The following RNF144B variants were observed in gnomAD, a reference collection of about 807,000 sequenced individuals.
The protein encoded by RNF144B is ring finger protein 144B, also known as E3 ubiquitin-protein ligase RNF144B.
In RNF144B, 25 loss-of-function variants were observed where a neutral mutation model predicts 40.2. The observed-to-expected ratio is 0.62, with a 90% CI of 0.45 to 0.87. The LOEUF (loss-of-function observed/expected upper bound fraction) is 0.87. RNF144B is among the 40% of genes least tolerant of loss of function. RNF144B has a pLI of 0.00. For missense variants in RNF144B, 365 were observed against 373.7 expected, an observed-to-expected ratio of 0.98 and a Z score of 0.19; for synonymous variants, 145 against 136.3, an observed-to-expected ratio of 1.06 and a Z score of -0.44.
In RNF144B at chr6:18,446,268, A is replaced by G. The variant is rs544495784; in HGVS notation, c.331+6524A>G. Among the ~76,000 whole-genome samples the G allele has an allele frequency of 2.0e-5, 3 of 149,450 alleles. No individual in the cohort carries two copies. The highest frequency in any genetic ancestry group is 4.5e-5 in the Non-Finnish European group (3 of 66,522). On this transcript the variant is annotated intron_variant, in intron 4 of 7. Transcript: ENST00000259939. The surrounding 1 kb of genome is among the most constrained non-coding windows in gnomAD (Gnocchi z 4.7). ...CTTAATGGGATACTGGAATTATAAT[A>G]CATTTCCTTAAAAAACCCAGCTCTT...
rs1448014149 is a variant in RNF144B at position 18,456,821 on chromosome 6, G to A, written c.332-334G>A. 6.6e-6 allele frequency among the ~76,000 whole-genome samples: 1 copy of A among 152,178 alleles called. No individual in the cohort carries two copies. Among genetic ancestry groups the A allele is most frequent in the African/African-American group, 2.4e-5 (1 of 41,436 alleles). ...CATGCCTGTAAAATCCCAGCACTTT[G>A]GGAGGCCAAGGTAGGCAGATCACCT... On this transcript the variant is annotated intron_variant, in intron 4 of 7. Coordinates refer to ENST00000259939, the MANE Select transcript of RNF144B (RefSeq NM_182757.4). This position sits in a 1 kb window ranked among gnomAD's most constrained non-coding sequence, Gnocchi z 4.7.
rs528319731 is a variant in RNF144B at position 18,467,947 on chromosome 6, A to G, written c.*2880A>G. The G allele has an allele frequency of 6.6e-6, 1 of 152,152 alleles. No homozygotes were observed. Among genetic ancestry groups the G allele is most frequent in the Non-Finnish European group, 1.5e-5 (1 of 68,022 alleles). The allele number at this position is 152,152 out of a possible 1,614,324, so 9.4% of individuals were successfully genotyped here. A position where few individuals can be genotyped will look rare whatever the true frequency, so the allele number is the denominator to read the frequency against. ...TGTGTCACTGTGCCTGACAGCTGAC[A>G]GTTTTAACTGACAACTTTGATAACA... is the stretch of plus-strand genomic sequence containing the variant. On this transcript the variant is annotated 3_prime_UTR_variant, in exon 8 of 8. Coordinates refer to ENST00000259939, the MANE Select transcript of RNF144B (RefSeq NM_182757.4).
rs1794760302 is a variant in RNF144B at position 18,399,592 on chromosome 6, G to A, written c.58G>A (p.Gly20Arg). The A allele has an allele frequency of 1.2e-6, 2 of 1,614,126 alleles. No homozygotes were observed. The highest frequency in any genetic ancestry group is 4.5e-5 in the East Asian group (2 of 44,866). Residue 20 changes from glycine (G) to arginine (R), a missense_variant, in exon 2 of 8, where the codon GGA becomes AGA. Gly to Arg is a moderately radical substitution (Grantham distance 125). Coordinates refer to ENST00000259939, the MANE Select transcript of RNF144B (RefSeq NM_182757.4). ...CATGACTGCTGAAAATCCCACTCCT[G>A]GAGACCTGGCTCCGGCCCCCCTCAT... is the stretch of plus-strand genomic sequence containing the variant. ...LAMTAENPTPGDLAPAPLITC... is the reference protein window; with the variant it reads ...LAMTAENPTPRDLAPAPLITC...
chr6:18,461,817 C>T (rs1233745570), intron 6 of RNF144B, among the ~76,000 whole-genome samples: 2 of 144,518 alleles, frequency 1.4e-5, no homozygotes, highest in Non-Finnish European at 3.1e-5. Flanking sequence ...AGTTTGAGAT[C>T]ATGGGGCCAG....
intron 2 of RNF144B, among the ~76,000 whole-genome samples, chr6:18,404,558 G>T (rs1369827594): frequency 6.6e-6 from 1 of 152,170 alleles, no homozygotes; most frequent in African/African-American, 2.4e-5. Context: ...TTATAAAAAG[G>T]TGGTTATATA....
At chr6:18,411,480 TATATATATATA>T (rs1562044290) in intron 2 of RNF144B, among the ~76,000 whole-genome samples, 380 of 35,946 alleles carry the variant, frequency 0.011, 8 homozygotes, top group Non-Finnish European at 0.016. Flanking sequence ...TATATATATA[TATATATATATA>T]TATATATTTT....
rs1285538642 is a variant in RNF144B, at chr6:18,398,339, T to C, written c.-36-1160T>C. Among the ~76,000 whole-genome samples, 1 of 152,152 alleles carries C rather than the reference T, an allele frequency of 6.6e-6. No individual in the cohort carries two copies. The highest frequency in any genetic ancestry group is 6.5e-5 in the Admixed American group (1 of 15,268). On this transcript the variant is annotated intron_variant, in intron 1 of 7. Coordinates refer to ENST00000259939, the MANE Select transcript of RNF144B (RefSeq NM_182757.4). This position sits in a 1 kb window ranked among gnomAD's most constrained non-coding sequence, Gnocchi z 5.0. The stretch of plus-strand genomic sequence containing the variant: ...AATTTTATTTCTTTTTATTCCACTG[T>C]ATATATAGACCACATTTTGTTTGTT...
intron 3 of RNF144B, among the ~76,000 whole-genome samples, chr6:18,431,335 G>A (rs1473341843): frequency 1.3e-5 from 2 of 152,210 alleles, no homozygotes; most frequent in Non-Finnish European, 2.9e-5. Flanking sequence ...ATCATTTTGA[G>A]TTGAAAATGG....
chr6:18,420,206 A>G (rs1030160826), intron 2 of RNF144B, among the ~76,000 whole-genome samples: 1 of 151,892 alleles, frequency 6.6e-6, no homozygotes, highest in Non-Finnish European at 1.5e-5. Context: ...CTAGTCTACC[A>G]TCTCTAATCT....
rs1759359342 is a variant in RNF144B at position 18,457,594 on chromosome 6, G to C, written c.536+235G>C. 6.6e-6 allele frequency among the ~76,000 whole-genome samples: 1 copy of C among 152,120 alleles called. No homozygotes were observed. The highest frequency in any genetic ancestry group is 6.6e-5 in the Admixed American group (1 of 15,266). On this transcript the variant is annotated intron_variant, in intron 5 of 7. Transcript: ENST00000259939. This position sits in a 1 kb window ranked among gnomAD's most constrained non-coding sequence, Gnocchi z 5.1. ...TGGAATTAAAGTTTGTATGAGTTTT[G>C]CTTTCTCTTTAGGTAGTGAGGCACC...
At chr6:18,393,274 G>C (rs184650539) in intron 1 of RNF144B, among the ~76,000 whole-genome samples, 2 of 152,136 alleles carry the variant, frequency 1.3e-5, no homozygotes, top group Admixed American at 1.3e-4. Context: ...AAGAATGTAC[G>C]CTGGTTCATC....
rs989913425 is a variant in RNF144B at position 18,464,770 on chromosome 6, G to A, written c.772-157G>A. ...AAACCAACTAACTTCTAAAGGCCTC[G>A]TCTCCAAATACCGTCACATCGGGGA... is the stretch of plus-strand genomic sequence containing the variant. On this transcript the variant is annotated intron_variant, in intron 7 of 7. Transcript: ENST00000259939. The surrounding 1 kb of genome is among the most constrained non-coding windows in gnomAD (Gnocchi z 6.1). Among the ~76,000 whole-genome samples, 4 of 152,134 alleles carry A rather than the reference G, an allele frequency of 2.6e-5. No homozygotes were observed. Among genetic ancestry groups the A allele is most frequent in the Admixed American group, 6.5e-5 (1 of 15,280 alleles).
intron 2 of RNF144B, among the ~76,000 whole-genome samples, chr6:18,415,096 A>G (rs1562045437): frequency 6.6e-6 from 1 of 152,154 alleles, no homozygotes; most frequent in South Asian, 2.1e-4. Flanking sequence ...ATGTAAATCT[A>G]TATAAATGGG....
At position 18,448,691 on chromosome 6, in the gene RNF144B, C is replaced by T. The variant is rs1326440465; in HGVS notation, c.332-8464C>T. Among the ~76,000 whole-genome samples, 1 of 112,126 alleles carries T rather than the reference C, an allele frequency of 8.9e-6. No individual in the cohort carries two copies. Among genetic ancestry groups the T allele is most frequent in the Non-Finnish European group, 2.1e-5 (1 of 47,330 alleles). 73.6% of individuals were successfully genotyped at this position (112,126 alleles called of 152,430 possible). On this transcript the variant is annotated intron_variant, in intron 4 of 7. Coordinates refer to ENST00000259939, the MANE Select transcript of RNF144B (RefSeq NM_182757.4). This position sits in a 1 kb window ranked among gnomAD's most constrained non-coding sequence, Gnocchi z 4.0. ...ATTTTATTTTGAAAGCCAGCATGCA[C>T]ACACACACACACACACACACACACA...
intron 3 of RNF144B, among the ~76,000 whole-genome samples, chr6:18,430,836 C>T (rs773800950): frequency 1.9e-4 from 29 of 152,096 alleles, no homozygotes; most frequent in Non-Finnish European, 5.9e-5. Context: ...TCTCCTTATC[C>T]TTTCCCCACT....
At position 18,450,150 on chromosome 6, in the gene RNF144B, T is replaced by G. The variant is rs1441958144; in HGVS notation, c.332-7005T>G. On this transcript the variant is annotated intron_variant, in intron 4 of 7. Coordinates refer to ENST00000259939, the MANE Select transcript of RNF144B (RefSeq NM_182757.4). This position sits in a 1 kb window ranked among gnomAD's most constrained non-coding sequence, Gnocchi z 4.7. The stretch of plus-strand genomic sequence containing the variant: ...TTTTGTGCTGTGCAAATTCTGCACT[T>G]TCCCAGACTTGTCTGTGCTGGATGC... 6.6e-6 allele frequency among the ~76,000 whole-genome samples: 1 copy of G among 152,236 alleles called. No individual in the cohort carries two copies. The highest frequency in any genetic ancestry group is 1.5e-5 in the Non-Finnish European group (1 of 68,044).
At chr6:18,423,033 C>G (rs1582418713) in intron 2 of RNF144B, among the ~76,000 whole-genome samples, 1 of 152,194 alleles carries the variant, frequency 6.6e-6, no homozygotes, top group East Asian at 1.9e-4. Context: ...TTCACCTCAC[C>G]CTCATGAAGC....
chr6:18,427,522 T>C (rs17627311), intron 2 of RNF144B, 59 bp from the exon 3 acceptor site: 88,551 of 1,181,556 alleles, frequency 0.075, 4,049 homozygotes, highest in Non-Finnish European at 0.082. Context: ...GGTTCTGTTA[T>C]GTAACCTTTC....
At chr6:18,449,353 A>G (rs1250395345) in intron 4 of RNF144B, among the ~76,000 whole-genome samples, 1 of 152,220 alleles carries the variant, frequency 6.6e-6, no homozygotes, top group African/African-American at 2.4e-5. Flanking sequence ...GAATTGGCTC[A>G]GTGTGATCTG....
Sources: allele counts gnomAD v4.1 joint callset (sites outside exome capture counted in the v4.1 genomes callset), GRCh38; gene constraint gnomAD v4.1.1; non-coding constraint Gnocchi (gnomAD v3.1); transcripts MANE v1.5; gene names NCBI Gene and HGNC (gene_info 2026-07-23, HGNC 2026-07-21).